AMOTL1: variants seen among roughly 807,000 people sequenced by gnomAD.
The protein encoded by AMOTL1 is angiomotin-like protein 1.
AMOTL1 carries 45 observed loss-of-function variants against 102.9 expected under a neutral mutation model. That is an observed-to-expected ratio of 0.44 (90% CI 0.34 to 0.56). AMOTL1 has a LOEUF of 0.56. Ranked by LOEUF, AMOTL1 falls within the 20% of genes least tolerant of loss-of-function variation. The pLI is 0.01. For synonymous variants in AMOTL1, 481 were observed against 484.7 expected, an observed-to-expected ratio of 0.99 and a Z score of 0.10; for missense variants, 1,114 against 1,225.6, an observed-to-expected ratio of 0.91 and a Z score of 1.36.
At position 94,797,708 on chromosome 11, in the gene AMOTL1, G is replaced by A. The variant is rs554793259; in HGVS notation, c.200-1682G>A. On this transcript the variant is annotated intron_variant, in intron 2 of 12. Transcript: ENST00000433060. The stretch of plus-strand genomic sequence containing the variant: ...TGAGATGCATTTTTCTAGGCAGAGG[G>A]AAGGCAAGCAAAGGTCCAGAGGCTG... Among the ~76,000 whole-genome samples, 6 of 152,310 alleles carry A rather than the reference G, an allele frequency of 3.9e-5. No homozygotes were observed. The East Asian group carries it at 1.2e-3, about 29-fold the overall frequency.
chr11:94,838,994 C>T (rs1398276332), intron 6 of AMOTL1, among the ~76,000 whole-genome samples: 1 of 152,160 alleles, frequency 6.6e-6, no homozygotes, highest in Non-Finnish European at 1.5e-5. Flanking sequence ...CCATAAGGAT[C>T]CTACTGTGAA....
At chr11:94,746,751 A>G (rs1022596762) in intron 3 of AMOTL1, among the ~76,000 whole-genome samples, 3 of 151,296 alleles carry the variant, frequency 2.0e-5, no homozygotes, top group African/African-American at 7.4e-5. Flanking sequence ...CCAAGCATCA[A>G]TGTTATTGTG....
chr11:94,767,646 A>G (rs187774517), upstream of AMOTL1, among the ~76,000 whole-genome samples: 356 of 152,322 alleles, frequency 2.3e-3, 2 homozygotes, highest in African/African-American at 8.3e-3. Context: ...GGCTCCAGAG[A>G]GCCGCCAGTA....
intron 1 of AMOTL1, among the ~76,000 whole-genome samples, chr11:94,776,057 G>A (rs945463486): frequency 6.6e-6 from 1 of 152,270 alleles, no homozygotes; most frequent in Middle Eastern, 3.4e-3. Context: ...GAATTAGCAC[G>A]GAAAGGTCCT....
intron 6 of AMOTL1, among the ~76,000 whole-genome samples, chr11:94,834,779 C>A (rs1205732466): frequency 6.6e-6 from 1 of 152,146 alleles, no homozygotes; most frequent in Non-Finnish European, 1.5e-5. Context: ...ACCCAAACAA[C>A]TCTTGCAGTT....
At chr11:94,863,394 A>G (rs1359335158) in intron 9 of AMOTL1, among the ~76,000 whole-genome samples, 1 of 152,016 alleles carries the variant, frequency 6.6e-6, no homozygotes, top group East Asian at 1.9e-4. Context: ...GGAGTTTGAG[A>G]CCAGCCTGAC....
At position 94,831,484 on chromosome 11, in the gene AMOTL1, A is replaced by G. The variant is rs1486976210; in HGVS notation, c.1591A>G (p.Ser531Gly). The G allele has an allele frequency of 1.2e-6, 2 of 1,613,828 alleles. No homozygotes were observed. The highest frequency in any genetic ancestry group is 1.3e-5 in the African/African-American group (1 of 74,946). ...RLETANRQLSSREYEGHEDKA... is the reference protein window; with the variant it reads ...RLETANRQLSGREYEGHEDKA... Reference sequence around the variant, plus strand: ...AGAGACTGCTAACAGGCAACTATCCAGCAGGGAATACGAAGGGCATGAAGA... The same window carrying G: ...AGAGACTGCTAACAGGCAACTATCCGGCAGGGAATACGAAGGGCATGAAGA... Residue 531 changes from serine to glycine, a missense_variant, in exon 6 of 13, where the codon AGC (serine) becomes GGC (glycine). Physicochemically the swap from Ser to Gly is moderately conservative, Grantham distance 56 (BLOSUM62 0). Transcript: ENST00000433060.
At chr11:94,855,616 C>A (rs1162759346) in intron 8 of AMOTL1, among the ~76,000 whole-genome samples, 1 of 152,200 alleles carries the variant, frequency 6.6e-6, no homozygotes, top group Non-Finnish European at 1.5e-5. Context: ...GGTTAATATG[C>A]CGTCCACACC....
At chr11:94,724,161 G>A (rs1950218329) in intron 1 of AMOTL1, among the ~76,000 whole-genome samples, 1 of 152,046 alleles carries the variant, frequency 6.6e-6, no homozygotes, top group Admixed American at 6.6e-5. Context: ...TGTCTTCTGG[G>A]TGTGACCAGA....
chr11:94,750,603 C>T (rs1162660158), intron 3 of AMOTL1, among the ~76,000 whole-genome samples: 1 of 152,186 alleles, frequency 6.6e-6, no homozygotes. Flanking sequence ...CGTCCCTATC[C>T]CCTGCCTTGC....
chr11:94,770,670 CAT>C (rs1377075515), intron 1 of AMOTL1, among the ~76,000 whole-genome samples: 1 of 152,120 alleles, frequency 6.6e-6, no homozygotes, highest in Non-Finnish European at 1.5e-5. Context: ...GAGGATGTAG[CAT>C]ACTAATTTTC....
At position 94,816,927 on chromosome 11, in the gene AMOTL1, T is replaced by G. The variant is rs564134728; in HGVS notation, c.1122-4603T>G. ...TGTTGAGAGATAAAATTAGTTCAGT[T>G]TCTCTATAAAGTAACCATTAATACC... On this transcript the variant is annotated intron_variant, in intron 3 of 12. Transcript: ENST00000433060. 9.8e-5 allele frequency among the ~76,000 whole-genome samples: 15 copies of G among 152,304 alleles called. No individual in the cohort carries two copies. In the East Asian group the frequency reaches 2.9e-3, roughly 29 times the overall value.
At chr11:94,781,896 A>G (rs919259045) in intron 1 of AMOTL1, among the ~76,000 whole-genome samples, 2 of 152,204 alleles carry the variant, frequency 1.3e-5, no homozygotes, top group Non-Finnish European at 2.9e-5. Flanking sequence ...ACATACTCTC[A>G]CCATGAATCA....
At chr11:94,733,099 G>A (rs781597819) in intron 2 of AMOTL1, among the ~76,000 whole-genome samples, 1 of 152,234 alleles carries the variant, frequency 6.6e-6, no homozygotes, top group African/African-American at 2.4e-5. Context: ...AGAAAACTGA[G>A]TCTTGCAAAG....
intron 2 of AMOTL1, among the ~76,000 whole-genome samples, chr11:94,734,283 T>C (rs1008125836): frequency 8.5e-5 from 13 of 152,254 alleles, no homozygotes; most frequent in African/African-American, 2.9e-4. Context: ...AGCCCACTCC[T>C]GTCTTCTGGA....
intron 3 of AMOTL1, among the ~76,000 whole-genome samples, chr11:94,757,602 C>T (rs781715876): frequency 6.6e-6 from 1 of 152,128 alleles, no homozygotes; most frequent in Admixed American, 6.5e-5. Flanking sequence ...GAAAAGGGAA[C>T]AGCTTAGTAG....
At chr11:94,812,143 C>T (rs1300927797) in intron 3 of AMOTL1, among the ~76,000 whole-genome samples, 3 of 152,194 alleles carry the variant, frequency 2.0e-5, no homozygotes, top group Non-Finnish European at 4.4e-5. Flanking sequence ...TAAGCTGCTA[C>T]GAAGCACCCA....
intron 3 of AMOTL1, among the ~76,000 whole-genome samples, chr11:94,803,329 C>T (rs1047692537): frequency 6.6e-6 from 1 of 151,862 alleles, no homozygotes; most frequent in African/African-American, 2.4e-5. Context: ...GCCCTTTAGG[C>T]CCCTTTCCTG....
intron 1 of AMOTL1, among the ~76,000 whole-genome samples, chr11:94,714,951 C>A (rs1020242600): frequency 1.3e-5 from 2 of 151,946 alleles, no homozygotes; most frequent in African/African-American, 4.8e-5. Context: ...CTTGAGCTAG[C>A]GACTTAAATT....
Sources: gnomAD v4.1 joint callset for allele counts (sites outside exome capture counted in the v4.1 genomes callset) on GRCh38, gnomAD v4.1.1 for gene constraint, MANE v1.5 for transcripts, NCBI Gene and HGNC (gene_info 2026-07-23, HGNC 2026-07-21) for gene names.